LAMB2: variants seen among roughly 807,000 people sequenced by gnomAD.
LAMB2 encodes laminin subunit beta-2.
LAMB2 carries 119 observed loss-of-function variants against 202.7 expected under a neutral mutation model. The ratio of observed to expected loss-of-function variants is 0.59; its 90% CI spans 0.51 to 0.68. LAMB2 has a LOEUF of 0.68. Ranked by LOEUF, LAMB2 falls within the 30% of genes least tolerant of loss-of-function variation. LAMB2 has a pLI of 0.00. For missense variants in LAMB2, 2,124 were observed against 2,410.6 expected, an observed-to-expected ratio of 0.88 and a Z score of 2.49; for synonymous variants, 818 against 902.2, an observed-to-expected ratio of 0.91 and a Z score of 1.67.
At chr3:49,126,553 T>C (rs1276965867) in intron 15 of LAMB2, 56 bp from the exon 16 acceptor site, 7 of 1,607,558 alleles carry the variant, frequency 4.4e-6, no homozygotes, top group Non-Finnish European at 6.0e-6. Flanking sequence ...GTACAAATCA[T>C]CTGGGCCTCC....
Position 49,130,771 on chromosome 3 carries a change from C to T in LAMB2, c.1005G>A (p.Pro335=), listed in dbSNP as rs370372042. ...QDFYRDLPWR[P]AEDGHSHACR... ...AGGCATGACTATGGCCGTCCTCAGC[C>T]GGACGCCAGGGCAGGTCACGATAGA... is the stretch of plus-strand genomic sequence containing the variant. The change falls in exon 8 of 32, where the codon CCG becomes CCA. Residue 335 remains proline, a synonymous_variant. Coordinates refer to ENST00000305544, the MANE Select transcript of LAMB2 (RefSeq NM_002292.4). This position sits in a 1 kb window ranked among gnomAD's most constrained non-coding sequence, Gnocchi z 5.0. 6 of 1,614,146 alleles carry T rather than the reference C, an allele frequency of 3.7e-6. No individual in the cohort carries two copies. The highest frequency in any genetic ancestry group is 1.1e-5 in the South Asian group (1 of 91,088).
chr3:49,126,253 C>G (rs891166410), intron 16 of LAMB2, 94 bp from the exon 17 acceptor site: 12 of 1,601,110 alleles, frequency 7.5e-6, no homozygotes, highest in Non-Finnish European at 9.4e-6. Flanking sequence ...AGCCTGCCCA[C>G]CCTGGCACCA....
rs1367189747 is a variant in LAMB2 at position 49,121,858 on chromosome 3, T to C, written c.4926A>G (p.Val1642=). The change falls in exon 30 of 32, where the codon GTA becomes GTG. Residue 1642 remains valine, a splice_region_variant and synonymous_variant. Coordinates refer to ENST00000305544, the MANE Select transcript of LAMB2 (RefSeq NM_002292.4). ...TRDTEQTLYQ[V]QERMAGAERA... is the part of the protein sequence containing the mutation. ...GCTCTGCACCTGCCATCCTCTCCTG[T>C]ACCTGCCATGGGTGAGCCAAAGGTT... 1 of 1,613,220 alleles carries C rather than the reference T, an allele frequency of 6.2e-7. No homozygotes were observed. Among genetic ancestry groups the C allele is most frequent in the Admixed American group, 1.7e-5 (1 of 60,018 alleles).
rs780234897 is a variant in LAMB2, at chr3:49,132,592, C to T, written c.148G>A (p.Ala50Thr). 5.0e-6 allele frequency: 8 copies of T among 1,613,526 alleles called. No homozygotes were observed. Among genetic ancestry groups the T allele is most frequent in the South Asian group, 4.4e-5 (4 of 91,080 alleles). Reference sequence around the variant, plus strand: ...CGGCCCACCAGCAGGTCGCCCGTGGCGGGGTAGCAGCTTCCCCTGGAACAG... The same window carrying T: ...CGGCCCACCAGCAGGTCGCCCGTGGTGGGGTAGCAGCTTCCCCTGGAACAG... ...PGCSRGSCYP[A>T]TGDLLVGRAD... Residue 50 changes from alanine (A) to threonine (T), a missense_variant, in exon 2 of 32, where the codon GCC (alanine) becomes ACC (threonine). By Grantham distance (58) the Ala-to-Thr change is moderately conservative. Transcript: ENST00000305544. This position sits in a 1 kb window ranked among gnomAD's most constrained non-coding sequence, Gnocchi z 4.6.
chr3:49,123,568 T>C lies in LAMB2; in HGVS notation c.3861A>G (p.Gln1287=), dbSNP rs1319615240. 1 of 1,614,224 alleles carries C rather than the reference T, an allele frequency of 6.2e-7. No individual in the cohort carries two copies. The highest frequency in any genetic ancestry group is 8.5e-7 in the Non-Finnish European group (1 of 1,180,046). The part of the protein sequence containing the change: ...TQLEADLTDV[Q]DENFNANHAL... ...CATGGTTGGCATTGAAGTTCTCATC[T>C]TGCACATCTGTCAGGTCTGCCTCGA... Residue 1287 remains glutamine (Q), a synonymous_variant, in exon 25 of 32, where the codon CAA becomes CAG. Coordinates refer to ENST00000305544, the MANE Select transcript of LAMB2 (RefSeq NM_002292.4).
Position 49,130,666 on chromosome 3 carries a change from C to T in LAMB2, c.1036+74G>A. On this transcript the variant is annotated intron_variant, in intron 8 of 31. Transcript: ENST00000305544. The surrounding 1 kb of genome is among the most constrained non-coding windows in gnomAD (Gnocchi z 5.0). Reference sequence around the variant, plus strand: ...GCCTGGGTTTTAGGGGCTTGACCAACTAGCTCTAGGTTCTACCCAGGGCAC... The same window carrying T: ...GCCTGGGTTTTAGGGGCTTGACCAATTAGCTCTAGGTTCTACCCAGGGCAC... 6.2e-7 allele frequency: 1 copy of T among 1,604,510 alleles called. No homozygotes were observed. The highest frequency in any genetic ancestry group is 1.1e-5 in the South Asian group (1 of 90,796).
At position 49,131,948 on chromosome 3, in the gene LAMB2, G is replaced by A. The variant is rs2045486430; in HGVS notation, c.459+168C>T. Reference sequence around the variant, plus strand: ...GCCTGACCCAGCCTGGGATTGGAAAGGCAGAAGAGCATGTGCAAAGGCCTG... The same window carrying A: ...GCCTGACCCAGCCTGGGATTGGAAAAGCAGAAGAGCATGTGCAAAGGCCTG... On this transcript the variant is annotated intron_variant, in intron 4 of 31. Coordinates refer to ENST00000305544, the MANE Select transcript of LAMB2 (RefSeq NM_002292.4). The surrounding 1 kb of genome is among the most constrained non-coding windows in gnomAD (Gnocchi z 5.0). 6.6e-6 allele frequency among the ~76,000 whole-genome samples: 1 copy of A among 152,172 alleles called. No homozygotes were observed. Among genetic ancestry groups the A allele is most frequent in the Non-Finnish European group, 1.5e-5 (1 of 68,022 alleles).
Position 49,132,063 on chromosome 3 carries a change from G to T in LAMB2, c.459+53C>A. 4 of 1,527,232 alleles carry T rather than the reference G, an allele frequency of 2.6e-6. No homozygotes were observed. Among genetic ancestry groups the T allele is most frequent in the Non-Finnish European group, 3.6e-6 (4 of 1,101,286 alleles). 94.6% of individuals were successfully genotyped at this position (1,527,232 alleles called of 1,614,324 possible). Reference sequence around the variant, plus strand: ...TAAGGAGCTGAGGCTCTGTCCAGGGGCAATGGAGAGCCAAGCAGGGTGATT... The same window carrying T: ...TAAGGAGCTGAGGCTCTGTCCAGGGTCAATGGAGAGCCAAGCAGGGTGATT... On this transcript the variant is annotated intron_variant, in intron 4 of 31. Coordinates refer to ENST00000305544, the MANE Select transcript of LAMB2 (RefSeq NM_002292.4). The surrounding 1 kb of genome is among the most constrained non-coding windows in gnomAD (Gnocchi z 4.6).
chr3:49,122,255 G>A lies in LAMB2; in HGVS notation c.4689C>T (p.Val1563=), dbSNP rs2045317445. Residue 1563 remains valine, a synonymous_variant, in exon 28 of 32, where the codon GTC becomes GTT. Coordinates refer to ENST00000305544, the MANE Select transcript of LAMB2 (RefSeq NM_002292.4). ...TCGCATCCACATCTGCCAGGCTCCGGACTCGCTCTGCAATCGCACCCGCCA... is the reference window on the plus strand; with the variant it reads ...TCGCATCCACATCTGCCAGGCTCCGAACTCGCTCTGCAATCGCACCCGCCA... ...QHLAGAIAER[V]RSLADVDAIL... 3 of 1,613,484 alleles carry A rather than the reference G, an allele frequency of 1.9e-6. No homozygotes were observed. Among genetic ancestry groups the A allele is most frequent in the Non-Finnish European group, 2.5e-6 (3 of 1,180,038 alleles).
chr3:49,128,682 C>T lies in LAMB2; in HGVS notation c.1869G>A (p.Leu623=). The change falls in exon 14 of 32, where the codon CTG becomes CTA. Residue 623 remains leucine (L), a synonymous_variant. Coordinates refer to ENST00000305544, the MANE Select transcript of LAMB2 (RefSeq NM_002292.4). ...ASVPKAMDYD[L]LLRLEPQVPE... ...TAACCTGGGGCTCTAAGCGCAGCAG[C>T]AGGTCATAGTCCATAGCCTTCGGCA... The T allele has an allele frequency of 6.2e-7, 1 of 1,614,208 alleles. No homozygotes were observed.
chr3:49,125,984 A>T lies in LAMB2; in HGVS notation c.2327T>A (p.Ile776Asn), dbSNP rs2045409605. 1 of 1,614,158 alleles carries T rather than the reference A, an allele frequency of 6.2e-7. No individual in the cohort carries two copies. The highest frequency in any genetic ancestry group is 1.3e-5 in the African/African-American group (1 of 75,034). ...ACACTCACGCAGGGCACCATTGTAGATGAGGGTGGACAGGCTGATGAGGAG... is the reference window on the plus strand; with the variant it reads ...ACACTCACGCAGGGCACCATTGTAGTTGAGGGTGGACAGGCTGATGAGGAG... ...APLLISLSTL[I>N]YNGALPCQCN... is the part of the protein sequence containing the mutation. The change falls in exon 17 of 32, where the codon ATC (isoleucine) becomes AAC (asparagine). Residue 776 changes from isoleucine to asparagine, a missense_variant. Coordinates refer to ENST00000305544, the MANE Select transcript of LAMB2 (RefSeq NM_002292.4).
At chr3:49,128,018 C>CAAAAAA (rs1156873652) in intron 15 of LAMB2, among the ~76,000 whole-genome samples, 87 of 32,306 alleles carry the variant, frequency 2.7e-3, no homozygotes, top group Middle Eastern at 0.017. Context: ...GACTCCGTCT[C>CAAAAAA]AAAAAAAAAA....
Position 49,123,536 on chromosome 3 carries a change from C to G in LAMB2, c.3893G>C (p.Ser1298Thr). 6.2e-7 allele frequency: 1 copy of G among 1,614,216 alleles called. No homozygotes were observed. The highest frequency in any genetic ancestry group is 8.5e-7 in the Non-Finnish European group (1 of 1,180,044). Residue 1298 changes from serine (S) to threonine (T), a missense_variant, in exon 25 of 32, where the codon AGT (serine) becomes ACT (threonine). Physicochemically the swap from Ser to Thr is moderately conservative, Grantham distance 58 (BLOSUM62 1). Transcript: ENST00000305544. Reference protein sequence around the residue: ...DENFNANHALSGLERDRLALN... With the variant: ...DENFNANHALTGLERDRLALN... ...TGCAAGCCTATCTCGCTCCAGACCA[C>G]TTAGTGCATGGTTGGCATTGAAGTT... is the stretch of plus-strand genomic sequence containing the variant.
Position 49,125,989 on chromosome 3 carries a change from G to A in LAMB2, c.2322C>T (p.Thr774=), listed in dbSNP as rs142116851. 1.9e-5 allele frequency: 30 copies of A among 1,614,060 alleles called. No individual in the cohort carries two copies. The Admixed American group carries it at 4.0e-4, about 22-fold the overall frequency. The change falls in exon 17 of 32, where the codon ACC becomes ACT. Residue 774 remains threonine, a synonymous_variant. Coordinates refer to ENST00000305544, the MANE Select transcript of LAMB2 (RefSeq NM_002292.4). ...ACAPLLISLS[T]LIYNGALPCQ... ...CACGCAGGGCACCATTGTAGATGAG[G>A]GTGGACAGGCTGATGAGGAGGGGTG... is the stretch of plus-strand genomic sequence containing the variant.
Position 49,132,966 on chromosome 3 carries a change from T to C in LAMB2, c.-99A>G. 2 of 1,093,120 alleles carry C rather than the reference T, an allele frequency of 1.8e-6. No individual in the cohort carries two copies. Among genetic ancestry groups the C allele is most frequent in the South Asian group, 1.3e-5 (1 of 77,074 alleles). The allele number at this position is 1,093,120 out of a possible 1,614,324, so 67.7% of individuals were successfully genotyped here. A position where few individuals can be genotyped will look rare whatever the true frequency, so the allele number is the denominator to read the frequency against. On this transcript the variant is annotated 5_prime_UTR_variant, in exon 1 of 32. Coordinates refer to ENST00000305544, the MANE Select transcript of LAMB2 (RefSeq NM_002292.4). The surrounding 1 kb of genome is among the most constrained non-coding windows in gnomAD (Gnocchi z 4.6). Reference sequence around the variant, plus strand: ...CGTGTCAACTCTGCCTGTGGGTCTTTGGCCTGTTTCCCTCCAGGCCCTCTG... The same window carrying C: ...CGTGTCAACTCTGCCTGTGGGTCTTCGGCCTGTTTCCCTCCAGGCCCTCTG...
chr3:49,124,257 G>A lies in LAMB2; in HGVS notation c.3357C>T (p.Gly1119=). ...ACTCAGAACAAGTCCGCCCTCCAAA[G>A]CCGGCACGGCAGTGGCACTGCCCTG... is the stretch of plus-strand genomic sequence containing the variant. ...EFTGQCHCRA[G]FGGRTCSECQ... Residue 1119 remains glycine (G), a synonymous_variant, in exon 23 of 32, where the codon GGC becomes GGT. Coordinates refer to ENST00000305544, the MANE Select transcript of LAMB2 (RefSeq NM_002292.4). The A allele has an allele frequency of 6.2e-7, 1 of 1,613,942 alleles. No individual in the cohort carries two copies. Among genetic ancestry groups the A allele is most frequent in the Non-Finnish European group, 8.5e-7 (1 of 1,179,946 alleles).
chr3:49,125,758 GT>G lies in LAMB2; in HGVS notation c.2476del (p.Thr826GlnfsTer325). 6.2e-7 allele frequency: 1 copy of G among 1,614,040 alleles called. No homozygotes were observed. The highest frequency in any genetic ancestry group is 8.5e-7 in the Non-Finnish European group (1 of 1,179,964). On this transcript the variant is annotated frameshift_variant, in exon 18 of 32. Coordinates refer to ENST00000305544, the MANE Select transcript of LAMB2 (RefSeq NM_002292.4). LOFTEE classifies it high-confidence loss of function. ...CAPGYYGFGP[T>X]GCQACQCSHE... ...GGGCAGAAGAGTACCTTGACAGCCT[GT>G]GGGGCCAAAGCCATAGTAGCCAGGG...
Position 49,132,506 on chromosome 3 carries a change from G to A in LAMB2, c.234C>T (p.Ile78=), listed in dbSNP as rs201179067. ...CGLNGPQPYC[I]VSHLQDEKKC... ...CCAGCCACACCTGCAGGTGACTGAC[G>A]ATGCAGTAGGGCTGGGGGCCATTCA... Residue 78 remains isoleucine, a synonymous_variant, in exon 2 of 32, where the codon ATC becomes ATT. Transcript: ENST00000305544. This position sits in a 1 kb window ranked among gnomAD's most constrained non-coding sequence, Gnocchi z 4.6. 1.5e-5 allele frequency: 24 copies of A among 1,613,834 alleles called. No individual in the cohort carries two copies. Among genetic ancestry groups the A allele is most frequent in the African/African-American group, 4.0e-5 (3 of 75,062 alleles).
chr3:49,132,359 G>T lies in LAMB2; in HGVS notation c.296C>A (p.Ala99Asp). The change falls in exon 3 of 32, where the codon GCT becomes GAT. Residue 99 changes from alanine (A) to aspartate (D), a missense_variant. By Grantham distance (126) the Ala-to-Asp change is moderately radical (BLOSUM62 -2). Around this residue, in one of 3 missense-constraint regions of LAMB2, gnomAD observed 166 missense variants for 158.2 expected, o/e 1.05. Coordinates refer to ENST00000305544, the MANE Select transcript of LAMB2 (RefSeq NM_002292.4). This position sits in a 1 kb window ranked among gnomAD's most constrained non-coding sequence, Gnocchi z 4.6. ...FLCDSRRPFS[A>D]RDNPHSHRIQ... Reference sequence around the variant, plus strand: ...GCGATGGCTGTGTGGGTTGTCTCTAGCAGAGAAGGGGCGCCGGGAGTCACA... The same window carrying T: ...GCGATGGCTGTGTGGGTTGTCTCTATCAGAGAAGGGGCGCCGGGAGTCACA... 6.2e-7 allele frequency: 1 copy of T among 1,614,236 alleles called. No individual in the cohort carries two copies.
Sources: allele counts gnomAD v4.1 joint callset (sites outside exome capture counted in the v4.1 genomes callset), GRCh38; gene constraint gnomAD v4.1.1; regional missense constraint gnomAD v4.1.1; non-coding constraint Gnocchi (gnomAD v3.1); transcripts MANE v1.5; gene names NCBI Gene and HGNC (gene_info 2026-07-23, HGNC 2026-07-21).